The following ZFYVE21 variants were observed in gnomAD, a reference collection of about 807,000 sequenced individuals.
ZFYVE21 encodes zinc finger FYVE-type containing 21, also known as zinc finger FYVE domain-containing protein 21.
In ZFYVE21, 21 loss-of-function variants were observed where a neutral mutation model predicts 29.5. The observed-to-expected ratio is 0.71, with a 90% CI of 0.50 to 1.02. The LOEUF (loss-of-function observed/expected upper bound fraction) is 1.02, where lower values mean the gene tolerates loss of function less well. ZFYVE21 is among the 50% of genes least tolerant of loss of function. The pLI is 0.00. For missense variants in ZFYVE21, 326 were observed against 335.4 expected (o/e 0.97, Z 0.22); for synonymous variants, 151 against 133.8 (o/e 1.13, Z -0.89).
At chr14:103,724,575 G>A (rs2083902615) in intron 1 of ZFYVE21, 1 of 152,250 alleles carries the variant, frequency 6.6e-6, no homozygotes, top group African/African-American at 2.4e-5. Flanking sequence ...GAAGGGAAAA[G>A]GGGGCTCTTC....
chr14:103,715,810 G>C lies in ZFYVE21; in HGVS notation c.-32G>C. On this transcript the variant is annotated 5_prime_UTR_variant, in exon 1 of 7. Coordinates refer to ENST00000311141, the MANE Select transcript of ZFYVE21 (RefSeq NM_024071.4). ...CCGGGCTGGGCGAGGGGCCGGGTGC[G>C]GGGCCGCTGGCCGAGAGGCTGAGGC... 1.5e-6 allele frequency: 2 copies of C among 1,324,158 alleles called. No individual in the cohort carries two copies. The highest frequency in any genetic ancestry group is 1.7e-5 in the South Asian group (1 of 57,428). 82.0% of individuals were successfully genotyped at this position (1,324,158 alleles called of 1,614,324 possible). A position where few individuals can be genotyped will look rare whatever the true frequency, so the allele number is the denominator to read the frequency against.
chr14:103,728,169 GC>G, intron 3 of ZFYVE21: 1 of 409,718 alleles, frequency 2.4e-6, no homozygotes, highest in Non-Finnish European at 4.3e-6. Flanking sequence ...GAGGCCCTGG[GC>G]CCAGGCAGCA....
In ZFYVE21 at chr14:103,732,753, C is replaced by A. The variant is rs755539400; in HGVS notation, c.660C>A (p.Ala220=). The change falls in exon 6 of 7, where the codon GCC becomes GCA. Residue 220 remains alanine, a synonymous_variant. Transcript: ENST00000311141. The part of the protein sequence containing the change: ...GRRQAVAWLV[A]MHKAAKLLYE... ...GGCAGGCGGTGGCGTGGCTAGTGGC[C>A]ATGCACAAGGTACCTGAGCCCAGGC... 6.2e-7 allele frequency: 1 copy of A among 1,612,246 alleles called. No homozygotes were observed. The highest frequency in any genetic ancestry group is 8.5e-7 in the Non-Finnish European group (1 of 1,179,414).
intron 1 of ZFYVE21, among the ~76,000 whole-genome samples, chr14:103,723,809 G>T (rs993189358): frequency 2.6e-5 from 4 of 152,262 alleles, no homozygotes; most frequent in African/African-American, 9.6e-5. Flanking sequence ...ACCTGATGTG[G>T]ACTGTCTCCG....
chr14:103,721,807 A>G (rs986987009), intron 1 of ZFYVE21, among the ~76,000 whole-genome samples: 5 of 152,004 alleles, frequency 3.3e-5, no homozygotes, highest in African/African-American at 1.2e-4. Flanking sequence ...GGCCTGTTTC[A>G]TTGGGTTGTT....
rs2083804506 is a variant in ZFYVE21, at chr14:103,716,133, T to C, written c.138+154T>C. ...CCCGCTCTCTCCCAGGTTGGCCGCGTCCCCGGGCCGCCGCCTCAGGCTCCT... is the reference window on the plus strand; with the variant it reads ...CCCGCTCTCTCCCAGGTTGGCCGCGCCCCCGGGCCGCCGCCTCAGGCTCCT... On this transcript the variant is annotated intron_variant, in intron 1 of 6. Transcript: ENST00000311141. This position sits in a 1 kb window ranked among gnomAD's most constrained non-coding sequence, Gnocchi z 4.8. Among the ~76,000 whole-genome samples, 1 of 151,132 alleles carries C rather than the reference T, an allele frequency of 6.6e-6. No homozygotes were observed. Among genetic ancestry groups the C allele is most frequent in the Non-Finnish European group, 1.5e-5 (1 of 67,708 alleles).
At chr14:103,725,472 T>A (rs2083914751) in intron 1 of ZFYVE21, 1 of 152,306 alleles carries the variant, frequency 6.6e-6, no homozygotes, top group Non-Finnish European at 1.5e-5. Context: ...TTGGGGCTGC[T>A]GAGAAGCTGG....
chr14:103,726,735 C>G, intron 1 of ZFYVE21, 57 bp from the exon 2 acceptor site: 1 of 1,608,158 alleles, frequency 6.2e-7, no homozygotes. Flanking sequence ...TGGTCGTGCC[C>G]CAGCGACGTG....
At chr14:103,720,638 T>C (rs544697865) in intron 1 of ZFYVE21, among the ~76,000 whole-genome samples, 2 of 152,294 alleles carry the variant, frequency 1.3e-5, no homozygotes, top group South Asian at 4.1e-4. Flanking sequence ...GCTTTTGGTT[T>C]CTTGCGTGCT....
chr14:103,732,590 G>A (rs371169134), intron 5 of ZFYVE21, 30 bp from the exon 6 acceptor site: 108 of 1,532,058 alleles, frequency 7.0e-5, no homozygotes, highest in Non-Finnish European at 8.9e-5. Context: ...GGCCTCCTTT[G>A]GGCCGTCTTA....
Position 103,727,733 on chromosome 14 carries a change from C to CGCATCT in ZFYVE21, c.190-10_190-5dup. 1 of 1,602,226 alleles carries CGCATCT rather than the reference C, an allele frequency of 6.2e-7. No individual in the cohort carries two copies. On this transcript the variant is annotated splice_polypyrimidine_tract_variant and intron_variant, in intron 2 of 6. Transcript: ENST00000311141. ...TGCCCCTCCTCACTGCCAATCCTCC[C>CGCATCT]GCATCTGCCCAGCACCACTGTCGCC...
intron 1 of ZFYVE21, among the ~76,000 whole-genome samples, chr14:103,718,681 G>A (rs988559371): frequency 2.0e-5 from 3 of 152,146 alleles, no homozygotes; most frequent in Non-Finnish European, 4.4e-5. Flanking sequence ...TGGGCGGTCC[G>A]GGCGTGCAGC....
chr14:103,721,053 T>C (rs1166230489), intron 1 of ZFYVE21, among the ~76,000 whole-genome samples: 1 of 152,130 alleles, frequency 6.6e-6, no homozygotes, highest in Non-Finnish European at 1.5e-5. Flanking sequence ...CTGAAACTCC[T>C]GAGCTCCAGC....
chr14:103,716,874 G>A lies in ZFYVE21; in HGVS notation c.138+895G>A, dbSNP rs906694188. Among the ~76,000 whole-genome samples the A allele has an allele frequency of 5.3e-5, 8 of 152,152 alleles. No homozygotes were observed. The highest frequency in any genetic ancestry group is 5.2e-4 in the Admixed American group (8 of 15,284). ...GGCTGTGCGCTAACAGGTGTGTCCA[G>A]TTTCTGTTCTGTGGATTTTACCACG... On this transcript the variant is annotated intron_variant, in intron 1 of 6. Coordinates refer to ENST00000311141, the MANE Select transcript of ZFYVE21 (RefSeq NM_024071.4). This position sits in a 1 kb window ranked among gnomAD's most constrained non-coding sequence, Gnocchi z 4.8.
At position 103,715,816 on chromosome 14, in the gene ZFYVE21, G is replaced by T. The variant is rs1443175502; in HGVS notation, c.-26G>T. On this transcript the variant is annotated 5_prime_UTR_variant, in exon 1 of 7. Transcript: ENST00000311141. ...TGGGCGAGGGGCCGGGTGCGGGGCC[G>T]CTGGCCGAGAGGCTGAGGCGGCGTC... 4 of 1,337,228 alleles carry T rather than the reference G, an allele frequency of 3.0e-6. No homozygotes were observed. In the Admixed American group the frequency reaches 1.2e-4, roughly 39 times the overall value. 82.8% of individuals were successfully genotyped at this position (1,337,228 alleles called of 1,614,324 possible). A position where few individuals can be genotyped will look rare whatever the true frequency, so the allele number is the denominator to read the frequency against.
At chr14:103,719,322 T>G (rs1394208439) in intron 1 of ZFYVE21, among the ~76,000 whole-genome samples, 1 of 151,390 alleles carries the variant, frequency 6.6e-6, no homozygotes, top group Non-Finnish European at 1.5e-5. Context: ...TAGTCGGGCG[T>G]GGTGGTGTGT....
chr14:103,731,798 A>C (rs1187667173), intron 5 of ZFYVE21: 2 of 152,152 alleles, frequency 1.3e-5, no homozygotes, highest in African/African-American at 4.8e-5. Context: ...GAGGTCAGTG[A>C]TTGCCTACGA....
chr14:103,725,159 C>G (rs1264021335), intron 1 of ZFYVE21: 1 of 152,298 alleles, frequency 6.6e-6, no homozygotes, highest in Non-Finnish European at 1.5e-5. Context: ...ATGGCGGCGT[C>G]CTCGTGCTGC....
chr14:103,719,208 G>A (rs2083852854), intron 1 of ZFYVE21, among the ~76,000 whole-genome samples: 1 of 152,182 alleles, frequency 6.6e-6, no homozygotes. Context: ...AACCCAGGAA[G>A]TGGAGGTTGC....
Sources: allele counts gnomAD v4.1 joint callset (sites outside exome capture counted in the v4.1 genomes callset), GRCh38; gene constraint gnomAD v4.1.1; non-coding constraint Gnocchi (gnomAD v3.1); transcripts MANE v1.5; gene names NCBI Gene and HGNC (gene_info 2026-07-23, HGNC 2026-07-21).